STPG2: variants seen among roughly 807,000 people sequenced by gnomAD.
STPG2 encodes sperm tail PG-rich repeat containing 2.
STPG2 carries 56 observed loss-of-function variants against 54.2 expected under a neutral mutation model. The observed-to-expected ratio is 1.03, with a 90% CI of 0.83 to 1.29. STPG2 has a LOEUF of 1.29. Ranked by LOEUF, STPG2 falls within the 50% of genes most tolerant of loss-of-function variation. The probability of loss-of-function intolerance (pLI) is 0.00; values close to 1 mark genes in which losing one functional copy is unlikely to be tolerated. For missense variants in STPG2, 596 were observed against 544.9 expected, an observed-to-expected ratio of 1.09 and a Z score of -0.93; for synonymous variants, 200 against 181.8, an observed-to-expected ratio of 1.10 and a Z score of -0.81.
chr4:97,459,926 GC>G (rs1447405601), intron 4 of STPG2, among the ~76,000 whole-genome samples: 10 of 152,076 alleles, frequency 6.6e-5, no homozygotes, highest in African/African-American at 1.7e-4. Context: ...TGTCAGTCTT[GC>G]TATGTTTCTT....
chr4:97,797,288 A>G (rs1727224835), intron 9 of STPG2, among the ~76,000 whole-genome samples: 1 of 152,150 alleles, frequency 6.6e-6, no homozygotes. Flanking sequence ...GAATGCTTCC[A>G]GTTTTTGCCC....
At chr4:97,754,647 T>C (rs1560515178) in intron 9 of STPG2, among the ~76,000 whole-genome samples, 1 of 152,118 alleles carries the variant, frequency 6.6e-6, no homozygotes, top group Non-Finnish European at 1.5e-5. Flanking sequence ...CTTATCTGTC[T>C]GGTCTATGTA....
rs560234093 is a variant in STPG2 at position 97,846,726 on chromosome 4, C to T, written c.1045-5794G>A. Among the ~76,000 whole-genome samples the T allele has an allele frequency of 5.0e-4, 75 of 151,012 alleles. No individual in the cohort carries two copies. The Middle Eastern group carries it at 0.024, about 49-fold the overall frequency. On this transcript the variant is annotated intron_variant, in intron 8 of 10. Coordinates refer to ENST00000295268, the MANE Select transcript of STPG2 (RefSeq NM_174952.3). ...TCTTTGCTTAGGAGACAAACTCTTA[C>T]TGGAGAGAAGGGCCTGCGAAAATAT...
At chr4:97,536,151 T>G (rs908299154) in intron 4 of STPG2, among the ~76,000 whole-genome samples, 1 of 152,182 alleles carries the variant, frequency 6.6e-6, no homozygotes, top group Non-Finnish European at 1.5e-5. Flanking sequence ...AATTAAATAA[T>G]TTTTATTGCT....
chr4:97,878,732 C>A (rs1337229586), intron 8 of STPG2, among the ~76,000 whole-genome samples: 3 of 152,158 alleles, frequency 2.0e-5, no homozygotes, highest in Non-Finnish European at 4.4e-5. Flanking sequence ...GCCCTGAAGA[C>A]ATTTTCCCCA....
At chr4:97,949,212 T>C (rs530276406) in intron 7 of STPG2, among the ~76,000 whole-genome samples, 2 of 152,236 alleles carry the variant, frequency 1.3e-5, no homozygotes, top group South Asian at 4.1e-4. Flanking sequence ...TTTGTTGTTG[T>C]TTTATCTAAT....
At chr4:97,495,529 G>A (rs545109801) in intron 4 of STPG2, among the ~76,000 whole-genome samples, 1 of 151,328 alleles carries the variant, frequency 6.6e-6, no homozygotes. Flanking sequence ...ATATAAGGGA[G>A]TAATATATTA....
intron 10 of STPG2, among the ~76,000 whole-genome samples, chr4:97,652,801 T>C (rs1032008084): frequency 6.6e-6 from 1 of 151,946 alleles, no homozygotes; most frequent in African/African-American, 2.4e-5. Context: ...TTTTCAAAGA[T>C]GAGATTAGCC....
intron 5 of STPG2, among the ~76,000 whole-genome samples, chr4:98,002,588 A>T (rs780961094): frequency 3.9e-5 from 6 of 152,086 alleles, no homozygotes; most frequent in Non-Finnish European, 7.4e-5. Flanking sequence ...TAAAAGTACC[A>T]GAATAAGAAC....
chr4:98,138,070 C>T (rs1018254718), intron 1 of STPG2, among the ~76,000 whole-genome samples: 1 of 151,930 alleles, frequency 6.6e-6, no homozygotes, highest in Non-Finnish European at 1.5e-5. Context: ...AACTAGTCAT[C>T]CATTCTGTAA....
At chr4:97,621,269 G>A (rs1255967656) in intron 10 of STPG2, among the ~76,000 whole-genome samples, 3 of 152,096 alleles carry the variant, frequency 2.0e-5, no homozygotes, top group African/African-American at 7.2e-5. Context: ...AAAACTAGCA[G>A]AGGACAAGAA....
At chr4:97,837,584 TTTAA>T (rs1420070687) in intron 9 of STPG2, among the ~76,000 whole-genome samples, 1 of 151,676 alleles carries the variant, frequency 6.6e-6, no homozygotes, top group Non-Finnish European at 1.5e-5. Flanking sequence ...ATAAGCCTCA[TTTAA>T]TTATTTCTTC....
At chr4:97,484,345 T>C (rs1730301777) in intron 4 of STPG2, among the ~76,000 whole-genome samples, 1 of 150,722 alleles carries the variant, frequency 6.6e-6, no homozygotes, top group Non-Finnish European at 1.5e-5. Context: ...AGAGAGAAAA[T>C]CCAAATAACC....
At chr4:97,835,979 T>C (rs1380792340) in intron 9 of STPG2, among the ~76,000 whole-genome samples, 1 of 152,066 alleles carries the variant, frequency 6.6e-6, no homozygotes, top group East Asian at 1.9e-4. Context: ...TTGATTCTTG[T>C]GGATGAGCAA....
At chr4:97,445,082 G>C (rs923826300) in intron 4 of STPG2, among the ~76,000 whole-genome samples, 1 of 152,064 alleles carries the variant, frequency 6.6e-6, no homozygotes, top group Non-Finnish European at 1.5e-5. Context: ...ATCTATTGTG[G>C]AGTCAACAGA....
chr4:97,572,241 T>A (rs956646346), intron 10 of STPG2, among the ~76,000 whole-genome samples: 1 of 152,164 alleles, frequency 6.6e-6, no homozygotes, highest in African/African-American at 2.4e-5. Flanking sequence ...GGACTGTGTA[T>A]CATGTAAGAA....
At chr4:97,943,384 A>G (rs1277856395) in intron 8 of STPG2, among the ~76,000 whole-genome samples, 1 of 152,138 alleles carries the variant, frequency 6.6e-6, no homozygotes. Flanking sequence ...CTCAACTACT[A>G]ATTTTTTAAT....
intron 10 of STPG2, among the ~76,000 whole-genome samples, chr4:97,642,086 G>C (rs1434798427): frequency 6.6e-6 from 1 of 151,396 alleles, no homozygotes. Context: ...AAATGAAAGT[G>C]ACTTGCTTGT....
chr4:98,123,176 T>C (rs191523770), intron 3 of STPG2, among the ~76,000 whole-genome samples: 182 of 152,312 alleles, frequency 1.2e-3, no homozygotes, highest in African/African-American at 4.2e-3. Flanking sequence ...GAAGGGTTTT[T>C]CATGTCTCTA....
Sources: gnomAD v4.1 joint callset for allele counts (sites outside exome capture counted in the v4.1 genomes callset) on GRCh38, gnomAD v4.1.1 for gene constraint, MANE v1.5 for transcripts, NCBI Gene and HGNC (gene_info 2026-07-23, HGNC 2026-07-21) for gene names.